Variants in MAP4 observed in about 807,000 individuals in gnomAD.
The protein encoded by MAP4 is microtubule-associated protein 4.
A neutral mutation model predicts 170.2 loss-of-function variants in MAP4; 76 were observed. That is an observed-to-expected ratio of 0.45 (90% CI 0.37 to 0.54). The LOEUF is 0.54. MAP4 is among the 20% of genes least tolerant of loss of function. MAP4 has a pLI of 0.00. For synonymous variants in MAP4, 909 were observed against 994.5 expected (o/e 0.91, Z 1.62); for missense variants, 2,506 against 2,748.0 (o/e 0.91, Z 1.97).
At position 47,911,454 on chromosome 3, in the gene MAP4, C is replaced by A. The variant is rs1483517187; in HGVS notation, c.2967G>T (p.Gly989=). 1 of 1,535,898 alleles carries A rather than the reference C, an allele frequency of 6.5e-7. No homozygotes were observed. Among genetic ancestry groups the A allele is most frequent in the Non-Finnish European group, 8.7e-7 (1 of 1,146,884 alleles). The part of the protein sequence containing the change: ...SNPLECNLKE[G]NNESKMTKLQ... ...GTTTAGTCATTTTACTTTCATTATT[C>A]CCTTCTTTTAGATTACATTCTAATG... Residue 989 remains glycine (G), a synonymous_variant, in exon 9 of 21, where the codon GGG becomes GGT. Transcript: ENST00000683076. This position sits in a 1 kb window ranked among gnomAD's most constrained non-coding sequence, Gnocchi z 4.0.
chr3:47,854,057 C>G (rs574034838), intron 19 of MAP4, among the ~76,000 whole-genome samples: 1 of 152,166 alleles, frequency 6.6e-6, no homozygotes, highest in African/African-American at 2.4e-5. Flanking sequence ...GCCAAATACC[C>G]AAAAAGTGAC....
chr3:47,986,869 T>G (rs2100089071), intron 2 of MAP4, among the ~76,000 whole-genome samples: 1 of 152,168 alleles, frequency 6.6e-6, no homozygotes, highest in South Asian at 2.1e-4. Flanking sequence ...TTAGACCAAG[T>G]ACACCTACCC....
intron 1 of MAP4, among the ~76,000 whole-genome samples, chr3:48,033,532 A>C (rs907139687): frequency 2.0e-5 from 3 of 152,172 alleles, no homozygotes; most frequent in Non-Finnish European, 4.4e-5. Flanking sequence ...CATAACATAC[A>C]ATTAACCATT....
intron 1 of MAP4, among the ~76,000 whole-genome samples, chr3:48,001,771 G>A (rs1008767811): frequency 2.0e-5 from 3 of 152,184 alleles, no homozygotes; most frequent in Non-Finnish European, 2.9e-5. Context: ...AAAGTGCCAG[G>A]ATTACAGGTG....
intron 2 of MAP4, chr3:47,987,500 G>A (rs2100089482): frequency 9.0e-7 from 1 of 1,109,128 alleles, no homozygotes; most frequent in Non-Finnish European, 1.3e-6. Context: ...CAATCTTAAA[G>A]GATTTTAGAA....
intron 1 of MAP4, among the ~76,000 whole-genome samples, chr3:48,076,265 G>A (rs1023038204): frequency 6.6e-6 from 1 of 151,640 alleles, no homozygotes; most frequent in Non-Finnish European, 1.5e-5. Flanking sequence ...GGGAGCCCGA[G>A]GTGGGCAGAT....
At chr3:48,036,278 C>T (rs893664245) in intron 1 of MAP4, among the ~76,000 whole-genome samples, 4 of 152,106 alleles carry the variant, frequency 2.6e-5, no homozygotes, top group Non-Finnish European at 4.4e-5. Context: ...TTGTTTATAA[C>T]GCTACCTCCC....
intron 1 of MAP4, among the ~76,000 whole-genome samples, chr3:48,012,906 C>A (rs931055778): frequency 3.3e-5 from 5 of 152,046 alleles, no homozygotes; most frequent in Non-Finnish European, 5.9e-5. Context: ...CACACACACA[C>A]CCCCTTATGG....
Position 47,912,355 on chromosome 3 carries a change from C to G in MAP4, c.2066G>C (p.Arg689Thr), listed in dbSNP as rs999391497. Residue 689 changes from arginine (R) to threonine (T), a missense_variant, in exon 9 of 21, where the codon AGG (arginine) becomes ACG (threonine). By Grantham distance (71) the Arg-to-Thr change is moderately conservative. This residue lies in a region of MAP4 where 2,008 missense variants were observed against 2,206.0 expected (regional missense o/e 0.91). Transcript: ENST00000683076. Reference protein sequence around the residue: ...AKQVCRPSDRRSTRPKPARVP... With the variant: ...AKQVCRPSDRTSTRPKPARVP... The stretch of plus-strand genomic sequence containing the variant: ...CCTGGCAGGCTTGGGCCGGGTTGAC[C>G]TGCGGTCACTGGGTCTGCAAACTTG... 35 of 1,535,326 alleles carry G rather than the reference C, an allele frequency of 2.3e-5. No individual in the cohort carries two copies. The highest frequency in any genetic ancestry group is 2.8e-5 in the Non-Finnish European group (32 of 1,146,404).
chr3:47,853,393 AG>A (rs1553715045), intron 19 of MAP4, 41 bp from the exon 20 acceptor site: 26 of 853,504 alleles, frequency 3.0e-5, no homozygotes, highest in Admixed American at 5.4e-5. Context: ...GGGTCAGTCG[AG>A]GGGGGGAGTG....
At chr3:47,985,541 A>T (rs2100088146) in intron 2 of MAP4, among the ~76,000 whole-genome samples, 1 of 152,216 alleles carries the variant, frequency 6.6e-6, no homozygotes, top group African/African-American at 2.4e-5. Context: ...AATGTGATTT[A>T]GTGACATCAT....
intron 2 of MAP4, among the ~76,000 whole-genome samples, chr3:47,994,071 G>T (rs1315693356): frequency 1.3e-5 from 2 of 151,846 alleles, no homozygotes; most frequent in African/African-American, 4.8e-5. Context: ...AAAATCTTTG[G>T]TAGCAACAAA....
At chr3:48,038,890 CCAGGAGTT>C (rs757654066) in intron 1 of MAP4, among the ~76,000 whole-genome samples, 7 of 152,056 alleles carry the variant, frequency 4.6e-5, no homozygotes, top group Non-Finnish European at 7.4e-5. Flanking sequence ...TCACACGAGC[CCAGGAGTT>C]CAAGATCAGC....
chr3:47,862,174 A>C (rs1348034392), intron 17 of MAP4, among the ~76,000 whole-genome samples: 1 of 151,148 alleles, frequency 6.6e-6, no homozygotes, highest in Non-Finnish European at 1.5e-5. Context: ...AAAAAAAAAA[A>C]AAAAAACCTA....
At chr3:48,007,696 C>T (rs1275610663) in intron 1 of MAP4, among the ~76,000 whole-genome samples, 3 of 145,928 alleles carry the variant, frequency 2.1e-5, no homozygotes, top group African/African-American at 2.6e-5. Flanking sequence ...TTTTTTGAGA[C>T]GCAGTGTCAC....
chr3:48,054,629 CAAAAAAAAA>C (rs745809251), intron 1 of MAP4, among the ~76,000 whole-genome samples: 3 of 39,540 alleles, frequency 7.6e-5, no homozygotes, highest in Non-Finnish European at 1.2e-4. Flanking sequence ...GACTCCATCT[CAAAAAAAAA>C]AAAAAAAAAA....
chr3:47,898,415 T>C (rs2100028176), intron 10 of MAP4, among the ~76,000 whole-genome samples: 2 of 151,832 alleles, frequency 1.3e-5, no homozygotes, highest in African/African-American at 2.4e-5. Context: ...GGCAGGAGAA[T>C]TGCTTGAATC....
intron 3 of MAP4, among the ~76,000 whole-genome samples, chr3:47,959,154 G>GCT (rs2100069768): frequency 1.3e-5 from 2 of 151,820 alleles, no homozygotes; most frequent in Non-Finnish European, 2.9e-5. Context: ...TTCAAAGAAA[G>GCT]CACTTTTAAA....
chr3:48,035,873 G>C (rs1206782982), intron 1 of MAP4, among the ~76,000 whole-genome samples: 1 of 152,060 alleles, frequency 6.6e-6, no homozygotes, highest in Non-Finnish European at 1.5e-5. Flanking sequence ...CTGGGTGGTG[G>C]AGGTTGCAGT....
Sources: gnomAD v4.1 joint callset for allele counts (sites outside exome capture counted in the v4.1 genomes callset) on GRCh38, gnomAD v4.1.1 for gene constraint, gnomAD v4.1.1 regional missense constraint, Gnocchi (gnomAD v3.1) non-coding constraint, MANE v1.5 for transcripts, NCBI Gene and HGNC (gene_info 2026-07-23, HGNC 2026-07-21) for gene names.